Variants in ZNF668 observed in about 807,000 individuals in gnomAD.
The protein encoded by ZNF668 is zinc finger protein 668.
In ZNF668, 10 loss-of-function variants were observed where a neutral mutation model predicts 40.3. That is an observed-to-expected ratio of 0.25 (90% CI 0.15 to 0.42). The LOEUF is 0.42. Ranked by LOEUF, ZNF668 falls within the 10% of genes least tolerant of loss-of-function variation. The pLI is 1.00. For missense variants in ZNF668, 749 were observed against 904.6 expected (o/e 0.83, Z 2.21); for synonymous variants, 428 against 384.6 (o/e 1.11, Z -1.32).
chr16:31,072,416 C>G (rs2057021464), intron 1 of ZNF668, among the ~76,000 whole-genome samples: 1 of 152,242 alleles, frequency 6.6e-6, no homozygotes, highest in South Asian at 2.1e-4. Context: ...CAAGGCTCAA[C>G]TATTGCCCCA....
chr16:31,061,331 G>A lies in ZNF668; in HGVS notation c.1597C>T (p.Arg533Trp). Residue 533 changes from arginine to tryptophan, a missense_variant, in exon 3 of 3, where the codon CGG becomes TGG. Physicochemically the swap from Arg to Trp is moderately radical, Grantham distance 101 (BLOSUM62 -3). Around this residue, in one of 4 missense-constraint regions of ZNF668, gnomAD observed 310 missense variants for 355.1 expected, o/e 0.87. Coordinates refer to ENST00000300849, the MANE Select transcript of ZNF668 (RefSeq NM_024706.5). This position sits in a 1 kb window ranked among gnomAD's most constrained non-coding sequence, Gnocchi z 7.7. Reference protein sequence around the residue: ...ETFSTMTLLRRHERSHPELRP... With the variant: ...ETFSTMTLLRWHERSHPELRP... Reference sequence around the variant, plus strand: ...AGCTCCGGGTGTGAGCGCTCGTGCCGACGCAGCAGCGTCATTGTGGAGAAG... The same window carrying A: ...AGCTCCGGGTGTGAGCGCTCGTGCCAACGCAGCAGCGTCATTGTGGAGAAG... 2.5e-6 allele frequency: 4 copies of A among 1,600,498 alleles called. No individual in the cohort carries two copies. The highest frequency in any genetic ancestry group is 3.4e-6 in the Non-Finnish European group (4 of 1,172,032).
chr16:31,064,623 C>A, intron 1 of ZNF668, 142 bp from the exon 2 acceptor site: 2 of 1,537,604 alleles, frequency 1.3e-6, no homozygotes, highest in South Asian at 2.4e-5. Context: ...TGACATCCTG[C>A]GTTCGTTTCC....
chr16:31,068,239 A>AAAAAAAAAAAAAAT (rs1473353128), intron 1 of ZNF668, among the ~76,000 whole-genome samples: 11 of 82,992 alleles, frequency 1.3e-4, no homozygotes, highest in African/African-American at 2.5e-4. Context: ...AAAAAAAAAA[A>AAAAAAAAAAAAAAT]ATATATATAT....
intron 1 of ZNF668, among the ~76,000 whole-genome samples, chr16:31,068,239 A>AAAAATATATAT (rs1473353128): frequency 2.4e-5 from 2 of 82,988 alleles, no homozygotes; most frequent in African/African-American, 1.0e-4. Flanking sequence ...AAAAAAAAAA[A>AAAAATATATAT]ATATATATAT....
rs753612206 is a variant in ZNF668, at chr16:31,062,299, C to T, written c.648-19G>A. 2 of 1,576,946 alleles carry T rather than the reference C, an allele frequency of 1.3e-6. No individual in the cohort carries two copies. Among genetic ancestry groups the T allele is most frequent in the Non-Finnish European group, 1.7e-6 (2 of 1,163,810 alleles). On this transcript the variant is annotated intron_variant, in intron 2 of 2. Transcript: ENST00000300849. ...GTGGGACCTGCGGGGGTGTGGAGGA[C>T]TTGGCATGAAGGCGACAGACCCATA...
intron 1 of ZNF668, chr16:31,068,972 T>C (rs1266376148): frequency 6.6e-6 from 1 of 152,066 alleles, no homozygotes; most frequent in Non-Finnish European, 1.5e-5. Flanking sequence ...GAGAGGAGCA[T>C]TTTAAGTGTT....
intron 1 of ZNF668, chr16:31,064,684 C>G: frequency 6.5e-7 from 1 of 1,536,030 alleles, no homozygotes; most frequent in East Asian, 2.4e-5. Flanking sequence ...TCCGCAGAGC[C>G]ACTAAGAAAG....
Position 31,061,887 on chromosome 16 carries a change from C to T in ZNF668, c.1041G>A (p.Ala347=), listed in dbSNP as rs2288003. The T allele has an allele frequency of 1.0e-3, 1,656 of 1,612,962 alleles. 19 individuals are homozygous for T. In the East Asian group the frequency reaches 0.021, roughly 20 times the overall value. The change falls in exon 3 of 3, where the codon GCG becomes GCA. Residue 347 remains alanine (A), a synonymous_variant. Coordinates refer to ENST00000300849, the MANE Select transcript of ZNF668 (RefSeq NM_024706.5). The surrounding 1 kb of genome is among the most constrained non-coding windows in gnomAD (Gnocchi z 7.7). The part of the protein sequence containing the change: ...KCLQCDKTFV[A]SWDLKRHALV... ...GCGCGTGCCGCTTGAGGTCCCAGGA[C>T]GCCACGAACGTCTTGTCACATTGCA...
intron 2 of ZNF668, 40 bp downstream of exon 2, chr16:31,063,773 C>T (rs1229906797): frequency 6.7e-7 from 1 of 1,494,882 alleles, no homozygotes; most frequent in Non-Finnish European, 8.9e-7. Flanking sequence ...ACGCTGTCGC[C>T]CTGCCCCGGA....
At chr16:31,069,523 T>G (rs2057000342) in intron 1 of ZNF668, among the ~76,000 whole-genome samples, 1 of 152,104 alleles carries the variant, frequency 6.6e-6, no homozygotes, top group South Asian at 2.1e-4. Flanking sequence ...CAAAAAGAGC[T>G]TTCTTGACCA....
chr16:31,072,583 A>G (rs1282489739), intron 1 of ZNF668, among the ~76,000 whole-genome samples: 5 of 152,210 alleles, frequency 3.3e-5, no homozygotes, highest in African/African-American at 1.2e-4. Context: ...TGAGGAGAAA[A>G]AGGAGGCACC....
rs1418026694 is a variant in ZNF668 at position 31,063,860 on chromosome 16, A to C, written c.600T>G (p.Arg200=). Residue 200 remains arginine (R), a synonymous_variant, in exon 2 of 3, where the codon CGT becomes CGG. Transcript: ENST00000300849. ...HAGLRPYSCE[R]CGKAYAELKD... is the part of the protein sequence containing the mutation. ...TGAGCTCCGCATAGGCTTTGCCGCA[A>C]CGCTCACAGCTGTAGGGCCGCAGGC... is the stretch of plus-strand genomic sequence containing the variant. 6.3e-7 allele frequency: 1 copy of C among 1,591,764 alleles called. No individual in the cohort carries two copies. The highest frequency in any genetic ancestry group is 1.3e-5 in the African/African-American group (1 of 74,368).
chr16:31,066,458 G>T, intron 1 of ZNF668: 1 of 788,704 alleles, frequency 1.3e-6, no homozygotes, highest in Non-Finnish European at 1.5e-6. Context: ...GTGGGAGGCT[G>T]AGGCGGGAGG....
chr16:31,065,723 G>C (rs1207848164), intron 1 of ZNF668: 1 of 152,016 alleles, frequency 6.6e-6, no homozygotes, highest in Admixed American at 6.6e-5. Context: ...GCGTGGTGGC[G>C]GGCGCCTGTA....
chr16:31,072,038 C>T (rs2057018722), intron 1 of ZNF668, among the ~76,000 whole-genome samples: 1 of 152,194 alleles, frequency 6.6e-6, no homozygotes. Flanking sequence ...GTAGGATTAG[C>T]GTTCTTATGA....
At chr16:31,062,655 TC>T (rs2056941725) in intron 2 of ZNF668, 1 of 165,702 alleles carries the variant, frequency 6.0e-6, no homozygotes, top group African/African-American at 2.4e-5. Flanking sequence ...TCCCAGCTAC[TC>T]GGGAGGCTGA....
At chr16:31,071,363 C>A (rs950792154) in intron 1 of ZNF668, among the ~76,000 whole-genome samples, 1 of 151,194 alleles carries the variant, frequency 6.6e-6, no homozygotes, top group African/African-American at 2.4e-5. Context: ...GACAGGGTTT[C>A]ACCACATTGG....
chr16:31,062,521 C>T lies in ZNF668; in HGVS notation c.648-241G>A. On this transcript the variant is annotated intron_variant, in intron 2 of 2. Coordinates refer to ENST00000300849, the MANE Select transcript of ZNF668 (RefSeq NM_024706.5). ...ATGGGCCGGGCGCGGTGGCTCACGCCTGTAATTCCAGCACTTTGGGAGGCC... is the reference window on the plus strand; with the variant it reads ...ATGGGCCGGGCGCGGTGGCTCACGCTTGTAATTCCAGCACTTTGGGAGGCC... 5 of 511,644 alleles carry T rather than the reference C, an allele frequency of 9.8e-6. No individual in the cohort carries two copies. The South Asian group carries it at 1.4e-4, about 14-fold the overall frequency. 31.7% of individuals were successfully genotyped at this position (511,644 alleles called of 1,614,324 possible).
At position 31,060,935 on chromosome 16, in the gene ZNF668, C is replaced by T. The variant is rs1003505458; in HGVS notation, c.*133G>A. ...GCCTCCACTGTCCCAGCTCTCTTAG[C>T]TGGCCGACAGGGGAGCTAGTTGCTG... On this transcript the variant is annotated 3_prime_UTR_variant, in exon 3 of 3. Transcript: ENST00000300849. 5 of 1,151,870 alleles carry T rather than the reference C, an allele frequency of 4.3e-6. No homozygotes were observed. The highest frequency in any genetic ancestry group is 5.7e-6 in the Non-Finnish European group (5 of 869,848). The allele number at this position is 1,151,870 out of a possible 1,614,324, so 71.4% of individuals were successfully genotyped here.
Sources: allele counts gnomAD v4.1 joint callset (sites outside exome capture counted in the v4.1 genomes callset), GRCh38; gene constraint gnomAD v4.1.1; regional missense constraint gnomAD v4.1.1; non-coding constraint Gnocchi (gnomAD v3.1); transcripts MANE v1.5; gene names NCBI Gene and HGNC (gene_info 2026-07-23, HGNC 2026-07-21).